Variants in BHMT2 observed in about 807,000 individuals in gnomAD.
BHMT2 encodes betaine--homocysteine S-methyltransferase 2, also known as S-methylmethionine--homocysteine S-methyltransferase BHMT2.
Under a neutral mutation model 39.0 loss-of-function variants are expected in BHMT2, and 28 were observed. That is an observed-to-expected ratio of 0.72 (90% CI 0.53 to 0.98). BHMT2 has a LOEUF of 0.98. BHMT2 is among the 50% of genes least tolerant of loss of function. The probability of loss-of-function intolerance (pLI) is 0.00; values close to 1 mark genes in which losing one functional copy is unlikely to be tolerated. For synonymous variants in BHMT2, 145 were observed against 160.6 expected (o/e 0.90, Z 0.74); for missense variants, 410 against 455.6 (o/e 0.90, Z 0.91).
intron 7 of BHMT2, among the ~76,000 whole-genome samples, chr5:79,086,422 G>A (rs1477575000): frequency 1.3e-5 from 2 of 152,144 alleles, no homozygotes; most frequent in Non-Finnish European, 2.9e-5. Context: ...TCTGTGCAGT[G>A]TCTGTCTTGC....
At chr5:79,075,775 A>G (rs1755660813) in intron 1 of BHMT2, among the ~76,000 whole-genome samples, 1 of 152,202 alleles carries the variant, frequency 6.6e-6, no homozygotes, top group African/African-American at 2.4e-5. Flanking sequence ...ACCAAGTGAA[A>G]TGGGAAAAGT....
intron 4 of BHMT2, among the ~76,000 whole-genome samples, chr5:79,081,438 T>C (rs993122931): frequency 2.6e-5 from 4 of 152,230 alleles, no homozygotes; most frequent in African/African-American, 9.6e-5. Flanking sequence ...TGGTCATTGA[T>C]TGGACATGAA....
chr5:79,082,500 A>G (rs560673082), intron 4 of BHMT2: 1 of 197,918 alleles, frequency 5.1e-6, no homozygotes, highest in African/African-American at 2.3e-5. Context: ...TTACAAAATT[A>G]TGATTTTAAA....
rs1020710728 is a variant in BHMT2, at chr5:79,081,483, C to T, written c.450+605C>T. ...CATTCTCTTTCCTCCACTTCCAAAA[C>T]GAAAGTCCTCATTCCCCATTTCCCA... On this transcript the variant is annotated intron_variant, in intron 4 of 7. Coordinates refer to ENST00000255192, the MANE Select transcript of BHMT2 (RefSeq NM_017614.5). Among the ~76,000 whole-genome samples, 16 of 152,306 alleles carry T rather than the reference C, an allele frequency of 1.1e-4. No individual in the cohort carries two copies. In the South Asian group the frequency reaches 1.5e-3, roughly 14 times the overall value.
At chr5:79,082,751 T>G in intron 4 of BHMT2, 58 bp from the exon 5 acceptor site, 1 of 1,589,684 alleles carries the variant, frequency 6.3e-7, no homozygotes, top group Non-Finnish European at 8.6e-7. Flanking sequence ...ATATTTACCT[T>G]TACCATTCAA....
chr5:79,083,468 T>C (rs967836404), intron 6 of BHMT2, 94 bp downstream of exon 6: 3 of 1,483,756 alleles, frequency 2.0e-6, no homozygotes, highest in Non-Finnish European at 2.7e-6. Flanking sequence ...AATAAGAGAC[T>C]GCATATGACA....
chr5:79,075,957 T>G (rs1362069577), intron 1 of BHMT2, among the ~76,000 whole-genome samples: 1 of 152,188 alleles, frequency 6.6e-6, no homozygotes, highest in African/African-American at 2.4e-5. Context: ...TCTTTCAGCT[T>G]AGCTGTCCAC....
At chr5:79,085,544 G>C (rs1421713379) in intron 7 of BHMT2, among the ~76,000 whole-genome samples, 1 of 152,160 alleles carries the variant, frequency 6.6e-6, no homozygotes, top group Non-Finnish European at 1.5e-5. Context: ...AGCCTGGCGT[G>C]GTGGCGGGAG....
At chr5:79,075,821 G>A (rs950303329) in intron 1 of BHMT2, among the ~76,000 whole-genome samples, 6 of 152,190 alleles carry the variant, frequency 3.9e-5, no homozygotes, top group South Asian at 4.1e-4. Flanking sequence ...TGATGGAGGC[G>A]TGGATCACTT....
chr5:79,074,437 G>T (rs1246280898), intron 1 of BHMT2, among the ~76,000 whole-genome samples: 6 of 152,212 alleles, frequency 3.9e-5, no homozygotes, highest in Non-Finnish European at 8.8e-5. Context: ...GCTTTTATTA[G>T]ATCCAGGATT....
At chr5:79,073,929 A>G (rs532110064) in intron 1 of BHMT2, among the ~76,000 whole-genome samples, 1 of 152,328 alleles carries the variant, frequency 6.6e-6, no homozygotes, top group East Asian at 1.9e-4. Flanking sequence ...AAGAACTAGC[A>G]TCCCCAATCA....
chr5:79,080,558 T>A (rs942414724), intron 3 of BHMT2, 129 bp from the exon 4 acceptor site: 8 of 730,196 alleles, frequency 1.1e-5, no homozygotes, highest in Non-Finnish European at 1.7e-5. Context: ...ACTCTGCTGG[T>A]CTTTTCTGCT....
Position 79,072,223 on chromosome 5 carries a change from C to T in BHMT2, c.33+2408C>T, listed in dbSNP as rs182247583. On this transcript the variant is annotated intron_variant, in intron 1 of 7. Coordinates refer to ENST00000255192, the MANE Select transcript of BHMT2 (RefSeq NM_017614.5). ...TGGAGGTTGCAGTGAGCTGAGATCG[C>T]GCTACTGCACTCCAGCCTGGGCGAC... 5.3e-5 allele frequency among the ~76,000 whole-genome samples: 8 copies of T among 151,458 alleles called. No individual in the cohort carries two copies. The South Asian group carries it at 6.3e-4, about 12-fold the overall frequency.
chr5:79,082,606 ATGTTAT>A, intron 4 of BHMT2, 197 bp from the exon 5 acceptor site: 2 of 490,032 alleles, frequency 4.1e-6, no homozygotes, highest in Non-Finnish European at 7.0e-6. Flanking sequence ...GAAAAACTAT[ATGTTAT>A]TGTTATAGGA....
At chr5:79,070,339 C>T (rs577859717) in intron 1 of BHMT2, among the ~76,000 whole-genome samples, 1 of 152,258 alleles carries the variant, frequency 6.6e-6, no homozygotes, top group African/African-American at 2.4e-5. Context: ...GGCAAGGACG[C>T]CCCCAGAGCT....
At chr5:79,073,107 G>T (rs1319005352) in intron 1 of BHMT2, among the ~76,000 whole-genome samples, 1 of 151,900 alleles carries the variant, frequency 6.6e-6, no homozygotes, top group African/African-American at 2.4e-5. Context: ...GGGATTACAG[G>T]CACCTGCCAC....
intron 7 of BHMT2, among the ~76,000 whole-genome samples, chr5:79,087,584 C>A (rs1254578458): frequency 1.3e-5 from 2 of 152,128 alleles, no homozygotes; most frequent in Non-Finnish European, 1.5e-5. Context: ...TTTCTGACAT[C>A]TCATCATCCA....
In BHMT2 at chr5:79,087,014, G is replaced by GTATATA. The variant is rs369119738; in HGVS notation, c.1011-1456_1011-1451dup. ...TGTGTATGTATGTGTGTGTGTGTGTGTATATATATATATATATATATATAT... is the reference window on the plus strand; with the variant it reads ...TGTGTATGTATGTGTGTGTGTGTGTGTATATATATATATATATATATATATATATAT... On this transcript the variant is annotated intron_variant, in intron 7 of 7. Transcript: ENST00000255192. Among the ~76,000 whole-genome samples, 472 of 118,232 alleles carry GTATATA rather than the reference G, an allele frequency of 4.0e-3. 5 individuals are homozygous for GTATATA. Among genetic ancestry groups the GTATATA allele is most frequent in the African/African-American group, 0.014 (426 of 31,436 alleles). 77.6% of individuals were successfully genotyped at this position (118,232 alleles called of 152,430 possible). A position where few individuals can be genotyped will look rare whatever the true frequency, so the allele number is the denominator to read the frequency against.
chr5:79,079,532 G>A, intron 3 of BHMT2, 72 bp downstream of exon 3: 4 of 1,064,342 alleles, frequency 3.8e-6, no homozygotes, highest in East Asian at 2.4e-5. Flanking sequence ...GGAAGCTATG[G>A]AATTGATTAT....
Sources: gnomAD v4.1 joint callset for allele counts (sites outside exome capture counted in the v4.1 genomes callset) on GRCh38, gnomAD v4.1.1 for gene constraint, MANE v1.5 for transcripts, NCBI Gene and HGNC (gene_info 2026-07-23, HGNC 2026-07-21) for gene names.